ARHGAP15: variants seen among roughly 807,000 people sequenced by gnomAD.
ARHGAP15 encodes rho GTPase-activating protein 15.
In ARHGAP15, 51 loss-of-function variants were observed where a neutral mutation model predicts 63.7. The ratio of observed to expected loss-of-function variants is 0.80; its 90% CI spans 0.64 to 1.01. The LOEUF (loss-of-function observed/expected upper bound fraction) is 1.01. ARHGAP15 is among the 50% of genes least tolerant of loss of function. The probability of loss-of-function intolerance (pLI) is 0.00; values close to 1 mark genes in which losing one functional copy is unlikely to be tolerated. For synonymous variants in ARHGAP15, 191 were observed against 193.8 expected (o/e 0.99, Z 0.12); for missense variants, 560 against 564.6 (o/e 0.99, Z 0.08).
At chr2:143,153,808 T>C (rs910558646) in intron 1 of ARHGAP15, among the ~76,000 whole-genome samples, 37 of 70,808 alleles carry the variant, frequency 5.2e-4, no homozygotes, top group African/African-American at 1.8e-3. Flanking sequence ...TTCTTCTTCT[T>C]CTTCTTCTTC....
At chr2:143,645,721 G>A (rs16822842) in intron 12 of ARHGAP15, among the ~76,000 whole-genome samples, 11,772 of 152,022 alleles carry the variant, frequency 0.077, 793 homozygotes, top group East Asian at 0.33. Context: ...CAAATTCCGC[G>A]ATACTATTGA....
chr2:143,468,725 A>G (rs1456066962), intron 8 of ARHGAP15, among the ~76,000 whole-genome samples: 1 of 151,468 alleles, frequency 6.6e-6, no homozygotes, highest in Admixed American at 6.6e-5. Context: ...CTGAGTTTGA[A>G]TAAGTTGTGG....
intron 8 of ARHGAP15, among the ~76,000 whole-genome samples, chr2:143,472,523 G>A (rs1691627107): frequency 6.6e-6 from 1 of 152,022 alleles, no homozygotes; most frequent in Non-Finnish European, 1.5e-5. Flanking sequence ...ATTAATATAA[G>A]CTTAATTTAA....
At chr2:143,664,611 AAATT>A (rs1314757355) in intron 12 of ARHGAP15, among the ~76,000 whole-genome samples, 2 of 151,404 alleles carry the variant, frequency 1.3e-5, no homozygotes, top group African/African-American at 4.8e-5. Context: ...ACCCTTCAAA[AAATT>A]AATGAATCCA....
At chr2:143,568,955 T>G (rs202049049) in intron 11 of ARHGAP15, among the ~76,000 whole-genome samples, 2 of 152,220 alleles carry the variant, frequency 1.3e-5, no homozygotes, top group East Asian at 3.9e-4. Flanking sequence ...TAGGTGGGAA[T>G]TGAACAATGA....
chr2:143,592,223 C>A (rs182482859), intron 11 of ARHGAP15, among the ~76,000 whole-genome samples: 4 of 152,018 alleles, frequency 2.6e-5, no homozygotes, highest in Non-Finnish European at 5.9e-5. Flanking sequence ...ATATTTATTA[C>A]TTTATATGTG....
intron 6 of ARHGAP15, among the ~76,000 whole-genome samples, chr2:143,287,249 T>G (rs902539057): frequency 1.3e-5 from 2 of 152,194 alleles, no homozygotes; most frequent in African/African-American, 4.8e-5. Context: ...CTTTTGACTT[T>G]AATGAAATGT....
At chr2:143,612,740 G>A (rs1201660159) in intron 11 of ARHGAP15, among the ~76,000 whole-genome samples, 1 of 152,188 alleles carries the variant, frequency 6.6e-6, no homozygotes, top group Non-Finnish European at 1.5e-5. Flanking sequence ...GAATGATTGA[G>A]GTTTTAGGTG....
intron 13 of ARHGAP15, among the ~76,000 whole-genome samples, chr2:143,726,424 CAAAAAAAAAAGA>C (rs1685281204): frequency 7.0e-6 from 1 of 143,278 alleles, no homozygotes; most frequent in South Asian, 2.3e-4. Context: ...AAAAAACAAC[CAAAAAAAAAAGA>C]AAAAAAAAAG....
intron 1 of ARHGAP15, among the ~76,000 whole-genome samples, chr2:143,153,827 CTTCTTCTTCT>C (rs1689948477): frequency 2.2e-4 from 20 of 90,350 alleles, no homozygotes; most frequent in South Asian, 5.0e-4. Flanking sequence ...TCTTCTTCTT[CTTCTTCTTCT>C]TCTTCTTCCT....
chr2:143,213,279 C>T lies in ARHGAP15; in HGVS notation c.235-3105C>T, dbSNP rs531377137. Among the ~76,000 whole-genome samples the T allele has an allele frequency of 2.6e-5, 4 of 152,038 alleles. No individual in the cohort carries two copies. In the South Asian group the frequency reaches 6.2e-4, roughly 24 times the overall value. Reference sequence around the variant, plus strand: ...CTGTAATCCCAGCACTTTGGGAGGCCGAGGTGGGTGGATCACCTGAGGTCG... The same window carrying T: ...CTGTAATCCCAGCACTTTGGGAGGCTGAGGTGGGTGGATCACCTGAGGTCG... On this transcript the variant is annotated intron_variant, in intron 3 of 13. Transcript: ENST00000295095.
chr2:143,416,835 ACGCCCCCACG>A (rs1277770626), intron 6 of ARHGAP15, among the ~76,000 whole-genome samples: 9 of 65,568 alleles, frequency 1.4e-4, no homozygotes, highest in Admixed American at 6.1e-4. Flanking sequence ...CCCCACCCCC[ACGCCCCCACG>A]CCCCCACGCC....
chr2:143,497,727 G>A (rs1053387899), intron 9 of ARHGAP15, among the ~76,000 whole-genome samples: 3 of 152,118 alleles, frequency 2.0e-5, no homozygotes, highest in Admixed American at 6.6e-5. Flanking sequence ...GATAACTGAG[G>A]GAGAAGAAAG....
In ARHGAP15 at chr2:143,487,414, A is replaced by T. The variant is rs769269529; in HGVS notation, c.745A>T (p.Asn249Tyr). 6.2e-7 allele frequency: 1 copy of T among 1,613,916 alleles called. No individual in the cohort carries two copies. The highest frequency in any genetic ancestry group is 8.5e-7 in the Non-Finnish European group (1 of 1,179,908). ...HHSASDTSDK[N>Y]RVKSRLKKFI... ...CAGTGCTTCCGATACAAGCGACAAAAATCGAGTTAAAAGCAGATTAAAGAA... is the reference window on the plus strand; with the variant it reads ...CAGTGCTTCCGATACAAGCGACAAATATCGAGTTAAAAGCAGATTAAAGAA... Residue 249 changes from asparagine (N) to tyrosine (Y), a missense_variant, in exon 9 of 14, where the codon AAT becomes TAT. Physicochemically the swap from Asn to Tyr is moderately radical, Grantham distance 143. Coordinates refer to ENST00000295095, the MANE Select transcript of ARHGAP15 (RefSeq NM_018460.4).
chr2:143,152,319 C>A (rs1364546551), intron 1 of ARHGAP15, among the ~76,000 whole-genome samples: 2 of 151,954 alleles, frequency 1.3e-5, no homozygotes, highest in Non-Finnish European at 2.9e-5. Flanking sequence ...ATCTGCACAC[C>A]TTTGCATTGC....
intron 12 of ARHGAP15, among the ~76,000 whole-genome samples, chr2:143,652,732 CA>C (rs1464702575): frequency 1.3e-5 from 2 of 151,992 alleles, no homozygotes; most frequent in Admixed American, 6.6e-5. Context: ...TGCTACTATA[CA>C]GAATTGTAAC....
At chr2:143,276,370 A>T (rs959110864) in intron 6 of ARHGAP15, among the ~76,000 whole-genome samples, 3 of 152,210 alleles carry the variant, frequency 2.0e-5, no homozygotes, top group African/African-American at 4.8e-5. Flanking sequence ...CAGAGGGATT[A>T]GTTACTTTCC....
intron 10 of ARHGAP15, among the ~76,000 whole-genome samples, chr2:143,545,440 C>G (rs946048272): frequency 6.6e-6 from 1 of 152,038 alleles, no homozygotes; most frequent in African/African-American, 2.4e-5. Flanking sequence ...GAGAGTATTT[C>G]AATAGATTTT....
At chr2:143,418,281 T>C (rs1208764613) in intron 6 of ARHGAP15, among the ~76,000 whole-genome samples, 1 of 152,218 alleles carries the variant, frequency 6.6e-6, no homozygotes, top group Admixed American at 6.5e-5. Context: ...GAGCCTTTCC[T>C]TTCTTGGAGT....
Sources: allele counts gnomAD v4.1 joint callset (sites outside exome capture counted in the v4.1 genomes callset), GRCh38; gene constraint gnomAD v4.1.1; transcripts MANE v1.5; gene names NCBI Gene and HGNC (gene_info 2026-07-23, HGNC 2026-07-21).